Variants in FLI1 observed in about 807,000 individuals in gnomAD.
FLI1 encodes Friend leukemia integration 1 transcription factor.
FLI1 carries 13 observed loss-of-function variants against 53.1 expected under a neutral mutation model. The observed-to-expected ratio is 0.24, with a 90% CI of 0.16 to 0.39. The LOEUF is 0.39. Among genes scored for constraint, FLI1 ranks in the 10% least tolerant of loss-of-function variants. FLI1 has a pLI of 1.00. For synonymous variants in FLI1, 244 were observed against 236.7 expected (o/e 1.03, Z -0.28); for missense variants, 424 against 600.5 (o/e 0.71, Z 3.07).
intron 1 of FLI1, among the ~76,000 whole-genome samples, chr11:128,728,492 C>T (rs1261295165): frequency 6.6e-6 from 1 of 152,234 alleles, no homozygotes; most frequent in African/African-American, 2.4e-5. Context: ...GACGCTTGGA[C>T]ACTTTTTGAA....
intron 1 of FLI1, among the ~76,000 whole-genome samples, chr11:128,710,845 C>T (rs988055317): frequency 1.3e-5 from 2 of 152,200 alleles, no homozygotes; most frequent in Non-Finnish European, 2.9e-5. Context: ...CAAAATCTCT[C>T]TTTTGAAGAT....
rs1942966906 is a variant in FLI1 at position 128,812,852 on chromosome 11, T to G, written c.*1864T>G. On this transcript the variant is annotated 3_prime_UTR_variant, in exon 9 of 9. Coordinates refer to ENST00000527786, the MANE Select transcript of FLI1 (RefSeq NM_002017.5). ...TTATGGCTCATGCAGATTTTTAAGG[T>G]CATTTTTCTTCCCAAGGAAGAAACT... The G allele has an allele frequency of 8.7e-6, 1 of 115,238 alleles. No homozygotes were observed. The highest frequency in any genetic ancestry group is 2.1e-5 in the Non-Finnish European group (1 of 47,742). 7.1% of individuals were successfully genotyped at this position (115,238 alleles called of 1,614,324 possible). A position where few individuals can be genotyped will look rare whatever the true frequency, so the allele number is the denominator to read the frequency against.
chr11:128,794,715 G>A (rs1282902686), intron 5 of FLI1, among the ~76,000 whole-genome samples: 1 of 152,210 alleles, frequency 6.6e-6, no homozygotes, highest in Non-Finnish European at 1.5e-5. Flanking sequence ...AAATATGGAG[G>A]CTAGAAACAC....
chr11:128,803,935 A>C (rs959555829), intron 5 of FLI1: 1 of 152,168 alleles, frequency 6.6e-6, no homozygotes, highest in Non-Finnish European at 1.5e-5. Context: ...AAAAAAGTCA[A>C]ACAGAAACAG....
chr11:128,691,025 A>T (rs1330526185), upstream of FLI1, among the ~76,000 whole-genome samples: 2 of 152,192 alleles, frequency 1.3e-5, no homozygotes, highest in Non-Finnish European at 2.9e-5. Flanking sequence ...CTAAGGAAAG[A>T]GGAAGGAGAG....
At chr11:128,706,792 A>G (rs1938564498) in intron 1 of FLI1, among the ~76,000 whole-genome samples, 1 of 152,220 alleles carries the variant, frequency 6.6e-6, no homozygotes, top group African/African-American at 2.4e-5. Context: ...TGGGTAAGTG[A>G]GTAATCATGT....
At chr11:128,797,288 C>G (rs1485235260) in intron 5 of FLI1, among the ~76,000 whole-genome samples, 1 of 152,206 alleles carries the variant, frequency 6.6e-6, no homozygotes, top group Non-Finnish European at 1.5e-5. Flanking sequence ...CAAAGAGATG[C>G]TGTCAAGTTT....
At chr11:128,787,225 C>A (rs532667458) in intron 5 of FLI1, among the ~76,000 whole-genome samples, 1 of 152,186 alleles carries the variant, frequency 6.6e-6, no homozygotes, top group East Asian at 1.9e-4. Flanking sequence ...TTGCCAAGCA[C>A]GTTCCTATCC....
intron 2 of FLI1, 44 bp downstream of exon 2, chr11:128,758,370 T>C: frequency 6.5e-7 from 1 of 1,538,786 alleles, no homozygotes; most frequent in Non-Finnish European, 8.9e-7. Flanking sequence ...AGGCACAAAG[T>C]CGCCAGATCT....
chr11:128,774,059 C>T (rs953314137), intron 4 of FLI1, among the ~76,000 whole-genome samples: 6 of 152,182 alleles, frequency 3.9e-5, no homozygotes, highest in Non-Finnish European at 7.3e-5. Flanking sequence ...CCTGGACTGG[C>T]TGGCTCTGGG....
At chr11:128,712,486 G>A (rs1264989759) in intron 1 of FLI1, among the ~76,000 whole-genome samples, 2 of 152,174 alleles carry the variant, frequency 1.3e-5, no homozygotes, top group African/African-American at 4.8e-5. Context: ...CACATTGCTG[G>A]TAAAGATATA....
chr11:128,686,456 G>A (rs1364607485), upstream of FLI1: 8 of 456,392 alleles, frequency 1.8e-5, no homozygotes, highest in Admixed American at 1.9e-4. Flanking sequence ...CGGGACTGAG[G>A]CGTAGGGAGA....
At chr11:128,717,249 C>T (rs576640660) in intron 1 of FLI1, among the ~76,000 whole-genome samples, 20 of 152,294 alleles carry the variant, frequency 1.3e-4, no homozygotes, top group Non-Finnish European at 2.2e-4. Context: ...GAATGCACAC[C>T]TGTGATGGGG....
intron 1 of FLI1, among the ~76,000 whole-genome samples, chr11:128,716,007 C>T (rs1938994903): frequency 6.6e-6 from 1 of 152,166 alleles, no homozygotes; most frequent in Non-Finnish European, 1.5e-5. Flanking sequence ...TGTGAGTATG[C>T]CTGTCCTTAA....
chr11:128,769,769 C>T (rs1336531555), intron 3 of FLI1, among the ~76,000 whole-genome samples: 1 of 152,216 alleles, frequency 6.6e-6, no homozygotes, highest in East Asian at 1.9e-4. Flanking sequence ...GTGCCAGGCA[C>T]CACGTAAATT....
chr11:128,694,089 A>C lies in FLI1; in HGVS notation c.-170A>C. ...TTAACTGTCTCTTTCGCTCCGCTAC[A>C]ACAACAAACGTGCACAGGGGAGTGA... On this transcript the variant is annotated 5_prime_UTR_variant, in exon 1 of 9. Coordinates refer to ENST00000527786, the MANE Select transcript of FLI1 (RefSeq NM_002017.5). The C allele has an allele frequency of 1.9e-6, 1 of 531,740 alleles. No individual in the cohort carries two copies. Among genetic ancestry groups the C allele is most frequent in the South Asian group, 4.6e-5 (1 of 21,554 alleles). 32.9% of individuals were successfully genotyped at this position (531,740 alleles called of 1,614,324 possible). A position where few individuals can be genotyped will look rare whatever the true frequency, so the allele number is the denominator to read the frequency against.
At chr11:128,754,833 T>C (rs969323675) in intron 1 of FLI1, among the ~76,000 whole-genome samples, 1 of 152,254 alleles carries the variant, frequency 6.6e-6, no homozygotes, top group Non-Finnish European at 1.5e-5. Flanking sequence ...GTGTGAGGCA[T>C]TCCCGGTGAA....
chr11:128,809,009 C>T (rs1942862821), intron 7 of FLI1, 148 bp from the exon 8 acceptor site: 1 of 574,480 alleles, frequency 1.7e-6, no homozygotes, highest in Non-Finnish European at 3.1e-6. Context: ...TCTTTGAGAT[C>T]TGCAAATAAA....
intron 1 of FLI1, among the ~76,000 whole-genome samples, chr11:128,718,464 C>T (rs1363782526): frequency 2.0e-5 from 3 of 152,168 alleles, no homozygotes; most frequent in Non-Finnish European, 4.4e-5. Flanking sequence ...AGCTGGCAGC[C>T]CAAGGCACAC....
Sources: allele counts gnomAD v4.1 joint callset (sites outside exome capture counted in the v4.1 genomes callset), GRCh38; gene constraint gnomAD v4.1.1; transcripts MANE v1.5; gene names NCBI Gene and HGNC (gene_info 2026-07-23, HGNC 2026-07-21).